Variants in ATP8A2 observed in about 807,000 individuals in gnomAD.
ATP8A2 encodes the protein ATPase phospholipid transporting 8A2.
ATP8A2 carries 100 observed loss-of-function variants against 165.6 expected under a neutral mutation model. The observed-to-expected ratio is 0.60, with a 90% CI of 0.51 to 0.71. The LOEUF (loss-of-function observed/expected upper bound fraction) is 0.71, where lower values mean the gene tolerates loss of function less well. ATP8A2 is among the 30% of genes least tolerant of loss of function. The probability of loss-of-function intolerance (pLI) is 0.00; values close to 1 mark genes in which losing one functional copy is unlikely to be tolerated. For synonymous variants in ATP8A2, 543 were observed against 548.8 expected (o/e 0.99, Z 0.15); for missense variants, 1,227 against 1,479.5 (o/e 0.83, Z 2.80).
At chr13:25,378,724 G>A (rs192800316) in intron 1 of ATP8A2, among the ~76,000 whole-genome samples, 294 of 152,270 alleles carry the variant, frequency 1.9e-3, no homozygotes, top group African/African-American at 6.3e-3. Context: ...TCACTAGCCT[G>A]CATAACTGAC....
chr13:26,015,923 T>C (rs1956961092), intron 36 of ATP8A2, among the ~76,000 whole-genome samples: 1 of 152,182 alleles, frequency 6.6e-6, no homozygotes, highest in South Asian at 2.1e-4. Flanking sequence ...TAAAGGTTCA[T>C]TAGGCAGAGC....
At chr13:25,603,727 GGTTAAGACCC>G (rs1173900908) in intron 24 of ATP8A2, among the ~76,000 whole-genome samples, 1 of 152,070 alleles carries the variant, frequency 6.6e-6, no homozygotes, top group Non-Finnish European at 1.5e-5. Context: ...GATAGAAGAA[GGTTAAGACCC>G]GAGGGGTTTG....
At chr13:25,876,259 G>A (rs1006468505) in intron 33 of ATP8A2, among the ~76,000 whole-genome samples, 18 of 152,194 alleles carry the variant, frequency 1.2e-4, no homozygotes. Context: ...CTCAGTTGAG[G>A]CGTAGGATTT....
intron 25 of ATP8A2, among the ~76,000 whole-genome samples, chr13:25,752,738 G>A (rs1367914049): frequency 6.6e-6 from 1 of 152,160 alleles, no homozygotes; most frequent in Admixed American, 6.5e-5. Context: ...CCACACATAA[G>A]CATTATGTGA....
chr13:25,504,746 C>CAA (rs34066777), intron 2 of ATP8A2, among the ~76,000 whole-genome samples: 6,897 of 84,652 alleles, frequency 0.081, 573 homozygotes, highest in African/African-American at 0.17. Flanking sequence ...GACTCCGTCT[C>CAA]AAAAAAAAAA....
rs11364423 is a variant in ATP8A2, at chr13:25,546,069, G to GT, written c.891+2677dup. On this transcript the variant is annotated intron_variant, in intron 10 of 36. Coordinates refer to ENST00000381655, the MANE Select transcript of ATP8A2 (RefSeq NM_016529.6). ...CTTTCCAATATTTCTTATACACTGG[G>GT]TTTTTTTTTTAACAGATTGTAATAT... is the stretch of plus-strand genomic sequence containing the variant. 4.2e-4 allele frequency among the ~76,000 whole-genome samples: 64 copies of GT among 151,310 alleles called. No homozygotes were observed. In the East Asian group the frequency reaches 5.1e-3, roughly 12 times the overall value.
At chr13:25,865,310 A>C (rs9553665) in intron 33 of ATP8A2, among the ~76,000 whole-genome samples, 5,272 of 152,268 alleles carry the variant, frequency 0.035, 217 homozygotes, top group East Asian at 0.17. Context: ...TGATTTTTAT[A>C]AACCACTTTT....
intron 24 of ATP8A2, among the ~76,000 whole-genome samples, chr13:25,640,121 T>G (rs1048392047): frequency 5.8e-4 from 89 of 152,324 alleles, no homozygotes; most frequent in African/African-American, 2.1e-3. Context: ...GAGGGAAATT[T>G]ATAGCACTAA....
At chr13:25,815,555 A>G (rs1950993597) in intron 27 of ATP8A2, among the ~76,000 whole-genome samples, 1 of 152,242 alleles carries the variant, frequency 6.6e-6, no homozygotes, top group South Asian at 2.1e-4. Context: ...CAGAGTATGT[A>G]GATAAGTTGA....
rs567944946 is a variant in ATP8A2 at position 25,732,325 on chromosome 13, A to G, written c.2384+32980A>G. On this transcript the variant is annotated intron_variant, in intron 25 of 36. Transcript: ENST00000381655. The stretch of plus-strand genomic sequence containing the variant: ...ATATGGGGCTTGTGGCCACGTAGCA[A>G]TGAGGTCACTGACCAGCTACAATCC... Among the ~76,000 whole-genome samples, 54 of 152,328 alleles carry G rather than the reference A, an allele frequency of 3.5e-4. 1 individual carries two copies. Among genetic ancestry groups the G allele is most frequent in the African/African-American group, 1.2e-3 (49 of 41,570 alleles).
intron 15 of ATP8A2, among the ~76,000 whole-genome samples, chr13:25,562,323 A>G (rs2039181112): frequency 6.6e-6 from 1 of 152,094 alleles, no homozygotes; most frequent in African/African-American, 2.4e-5. Flanking sequence ...TAGCCATCCT[A>G]ATGGGTATGA....
chr13:25,633,095 C>G (rs1428950507), intron 24 of ATP8A2, among the ~76,000 whole-genome samples: 2 of 152,220 alleles, frequency 1.3e-5, no homozygotes, highest in Non-Finnish European at 2.9e-5. Context: ...TGTTCAGCCT[C>G]TACTTGATCC....
intron 24 of ATP8A2, among the ~76,000 whole-genome samples, chr13:25,668,436 T>C (rs564292569): frequency 1.3e-5 from 2 of 152,328 alleles, no homozygotes; most frequent in Non-Finnish European, 2.9e-5. Flanking sequence ...TGCCTCTTTC[T>C]TTCTGTTTTC....
At chr13:25,424,216 T>C (rs1479407908) in intron 1 of ATP8A2, among the ~76,000 whole-genome samples, 1 of 152,220 alleles carries the variant, frequency 6.6e-6, no homozygotes, top group Non-Finnish European at 1.5e-5. Context: ...AAAGTGCTTA[T>C]TATTATCTGT....
At chr13:25,451,060 T>C (rs1270067911) in intron 1 of ATP8A2, among the ~76,000 whole-genome samples, 1 of 152,138 alleles carries the variant, frequency 6.6e-6, no homozygotes, top group Non-Finnish European at 1.5e-5. Context: ...CTCTAACCCC[T>C]TTTTCCCTTG....
intron 34 of ATP8A2, among the ~76,000 whole-genome samples, chr13:25,966,912 GGA>G (rs1033123875): frequency 2.0e-4 from 30 of 152,280 alleles, no homozygotes; most frequent in African/African-American, 6.7e-4. Flanking sequence ...AAGGGGATAG[GGA>G]GAGAGAGGGA....
intron 25 of ATP8A2, among the ~76,000 whole-genome samples, chr13:25,766,662 G>A (rs1235083394): frequency 1.3e-5 from 2 of 152,142 alleles, no homozygotes; most frequent in Admixed American, 1.3e-4. Context: ...GCTACTTCCA[G>A]CTAGTATTTT....
Position 25,533,323 on chromosome 13 carries a change from A to G in ATP8A2, c.507+10A>G, listed in dbSNP as rs2038175610. 4 of 1,444,702 alleles carry G rather than the reference A, an allele frequency of 2.8e-6. No homozygotes were observed. Among genetic ancestry groups the G allele is most frequent in the African/African-American group, 1.4e-5 (1 of 71,106 alleles). The allele number at this position is 1,444,702 out of a possible 1,614,324, so 89.5% of individuals were successfully genotyped here. On this transcript the variant is annotated intron_variant, in intron 6 of 36. Coordinates refer to ENST00000381655, the MANE Select transcript of ATP8A2 (RefSeq NM_016529.6). Reference sequence around the variant, plus strand: ...CATTATGTGGAAAGAGGTAAAAACTAATTTTAAAGATGTACCAGTACTATT... The same window carrying G: ...CATTATGTGGAAAGAGGTAAAAACTGATTTTAAAGATGTACCAGTACTATT...
intron 2 of ATP8A2, 125 bp from the exon 3 acceptor site, chr13:25,529,874 T>C: frequency 1.7e-6 from 1 of 573,586 alleles, no homozygotes; most frequent in Non-Finnish European, 3.0e-6. Context: ...AGCAATTTCC[T>C]TGTCTTGAGT....
Sources: allele counts gnomAD v4.1 joint callset (sites outside exome capture counted in the v4.1 genomes callset), GRCh38; gene constraint gnomAD v4.1.1; transcripts MANE v1.5; gene names NCBI Gene and HGNC (gene_info 2026-07-23, HGNC 2026-07-21).